Variants in DOCK9 observed in about 807,000 individuals in gnomAD.
DOCK9 encodes the protein dedicator of cytokinesis protein 9.
DOCK9 carries 89 observed loss-of-function variants against 263.3 expected under a neutral mutation model. The ratio of observed to expected loss-of-function variants is 0.34; its 90% CI spans 0.28 to 0.40. The LOEUF (loss-of-function observed/expected upper bound fraction) is 0.40, where lower values mean the gene tolerates loss of function less well. DOCK9 is among the 10% of genes least tolerant of loss of function. The pLI is 1.00. For missense variants in DOCK9, 2,140 were observed against 2,603.4 expected (o/e 0.82, Z 3.87); for synonymous variants, 976 against 973.1 (o/e 1.00, Z -0.06).
intron 50 of DOCK9, among the ~76,000 whole-genome samples, chr13:98,799,905 C>CT (rs1010868982): frequency 6.6e-6 from 1 of 152,066 alleles, no homozygotes; most frequent in Non-Finnish European, 1.5e-5. Flanking sequence ...ACTTAAGGTA[C>CT]TTTTTTGGAT....
At position 98,936,195 on chromosome 13, in the gene DOCK9, C is replaced by T. The variant is rs192227120; in HGVS notation, c.244-5938G>A. ...TGTACCATGGTGACCTTATAAACCA[C>T]CCCGAGACCTGTCTGAACAGCTAGT... On this transcript the variant is annotated intron_variant, in intron 2 of 52. Transcript: ENST00000682017. 3.9e-5 allele frequency among the ~76,000 whole-genome samples: 6 copies of T among 152,200 alleles called. No individual in the cohort carries two copies. The East Asian group carries it at 9.7e-4, about 25-fold the overall frequency.
chr13:98,873,532 G>A (rs565023572), intron 27 of DOCK9, among the ~76,000 whole-genome samples: 20 of 152,312 alleles, frequency 1.3e-4, no homozygotes, highest in Admixed American at 9.1e-4. Flanking sequence ...GCTAGGTACC[G>A]TCATGGCTAA....
At chr13:98,823,540 C>A (rs938237180) in intron 45 of DOCK9, among the ~76,000 whole-genome samples, 21 of 152,174 alleles carry the variant, frequency 1.4e-4, no homozygotes, top group Admixed American at 3.9e-4. Context: ...TCTTTCACTC[C>A]ATGGGAGAAA....
intron 27 of DOCK9, among the ~76,000 whole-genome samples, chr13:98,878,714 G>T (rs2044258096): frequency 6.6e-6 from 1 of 152,174 alleles, no homozygotes; most frequent in Admixed American, 6.5e-5. Context: ...CTCTAAACTG[G>T]ATTCAAAAGA....
At chr13:98,914,891 T>C (rs944960874) in intron 8 of DOCK9, among the ~76,000 whole-genome samples, 7 of 152,220 alleles carry the variant, frequency 4.6e-5, no homozygotes, top group Non-Finnish European at 8.8e-5. Flanking sequence ...GCATTCTAAT[T>C]ATTACTAATA....
intron 1 of DOCK9, among the ~76,000 whole-genome samples, chr13:98,997,174 G>A (rs548701965): frequency 3.3e-5 from 5 of 152,298 alleles, no homozygotes; most frequent in African/African-American, 7.2e-5. Flanking sequence ...ACGCCGCTTC[G>A]CAGGGCACCT....
intron 33 of DOCK9, 186 bp downstream of exon 33, chr13:98,860,219 C>A (rs1448142127): frequency 2.1e-6 from 3 of 1,433,810 alleles, no homozygotes; most frequent in Non-Finnish European, 2.7e-6. Context: ...GCATCCGGGA[C>A]CTTTATTTCA....
intron 1 of DOCK9, among the ~76,000 whole-genome samples, chr13:99,013,289 G>A (rs766477477): frequency 2.0e-5 from 3 of 152,076 alleles, no homozygotes; most frequent in Non-Finnish European, 2.9e-5. Flanking sequence ...TGTTGTTGTT[G>A]TTGTTGGTAG....
At chr13:99,081,839 A>C (rs768421783) in intron 1 of DOCK9, among the ~76,000 whole-genome samples, 1 of 152,232 alleles carries the variant, frequency 6.6e-6, no homozygotes, top group Non-Finnish European at 1.5e-5. Flanking sequence ...AATTATGGAA[A>C]GCTAATTCTG....
chr13:98,828,817 T>C (rs150015100), intron 43 of DOCK9, among the ~76,000 whole-genome samples: 2 of 152,344 alleles, frequency 1.3e-5, no homozygotes, highest in African/African-American at 2.4e-5. Context: ...ATATTACTTG[T>C]ACTGGAGCCC....
intron 15 of DOCK9, among the ~76,000 whole-genome samples, chr13:98,893,324 G>T (rs76475751): frequency 3.3e-3 from 498 of 152,252 alleles, no homozygotes; most frequent in African/African-American, 0.012. Flanking sequence ...CATTAAAAAG[G>T]TCTACGTTTT....
chr13:98,968,038 C>T (rs879668296), intron 1 of DOCK9, among the ~76,000 whole-genome samples: 24 of 151,898 alleles, frequency 1.6e-4, no homozygotes, highest in Admixed American at 2.6e-4. Context: ...TAGTTTGAGG[C>T]TTTTAAGCTA....
At chr13:99,032,461 C>G (rs1163508972) in intron 1 of DOCK9, among the ~76,000 whole-genome samples, 1 of 143,396 alleles carries the variant, frequency 7.0e-6, no homozygotes, top group Non-Finnish European at 1.5e-5. Flanking sequence ...TCAGCCTGGG[C>G]AACAGAGTGA....
chr13:98,923,190 C>A, intron 5 of DOCK9, 112 bp downstream of exon 5: 1 of 960,026 alleles, frequency 1.0e-6, no homozygotes. Context: ...TGTAACACTC[C>A]AATGCCTGTT....
intron 45 of DOCK9, among the ~76,000 whole-genome samples, chr13:98,822,578 T>C (rs2092335706): frequency 6.6e-6 from 1 of 152,154 alleles, no homozygotes; most frequent in African/African-American, 2.4e-5. Context: ...AAAAACTCAG[T>C]TGAAATTCGC....
chr13:98,838,755 T>A lies in DOCK9; in HGVS notation c.4199-1146A>T, dbSNP rs188882472. On this transcript the variant is annotated intron_variant, in intron 38 of 52. Transcript: ENST00000682017. ...AAGATGGCAATATAATAAAACACCA[T>A]GTAATGTCTTTCTCCAAGGAGCAAA... Among the ~76,000 whole-genome samples, 467 of 152,340 alleles carry A rather than the reference T, an allele frequency of 3.1e-3. 3 individuals are homozygous for A. The highest frequency in any genetic ancestry group is 5.7e-3 in the Non-Finnish European group (385 of 68,020).
intron 27 of DOCK9, among the ~76,000 whole-genome samples, chr13:98,869,180 C>G (rs1156260030): frequency 6.6e-6 from 1 of 152,234 alleles, no homozygotes; most frequent in Admixed American, 6.5e-5. Context: ...TTCTCACAAT[C>G]AACTTTACAC....
intron 1 of DOCK9, among the ~76,000 whole-genome samples, chr13:98,971,798 T>C (rs1224355178): frequency 6.6e-6 from 1 of 152,242 alleles, no homozygotes; most frequent in Non-Finnish European, 1.5e-5. Flanking sequence ...TCTGGGAAGA[T>C]GATAAAATGT....
chr13:98,883,270 CAG>C, intron 22 of DOCK9, 139 bp from the exon 23 acceptor site: 1 of 812,180 alleles, frequency 1.2e-6, no homozygotes, highest in South Asian at 1.8e-5. Context: ...TTTTTTGAGA[CAG>C]AGTCTTGCTC....
Sources: allele counts gnomAD v4.1 joint callset (sites outside exome capture counted in the v4.1 genomes callset), GRCh38; gene constraint gnomAD v4.1.1; transcripts MANE v1.5; gene names NCBI Gene and HGNC (gene_info 2026-07-23, HGNC 2026-07-21).